The following TBCK variants were observed in gnomAD, a reference collection of about 807,000 sequenced individuals.
TBCK encodes the protein TBC domain-containing protein kinase-like protein.
TBCK carries 99 observed loss-of-function variants against 113.4 expected under a neutral mutation model. The ratio of observed to expected loss-of-function variants is 0.87; its 90% CI spans 0.74 to 1.03. TBCK has a LOEUF of 1.03. TBCK is among the 50% of genes least tolerant of loss of function. The pLI is 0.00. For synonymous variants in TBCK, 369 were observed against 370.8 expected, an observed-to-expected ratio of 1.00 and a Z score of 0.05; for missense variants, 1,045 against 1,061.3, an observed-to-expected ratio of 0.98 and a Z score of 0.21.
intron 23 of TBCK, among the ~76,000 whole-genome samples, chr4:106,128,796 T>C (rs898454549): frequency 3.3e-5 from 5 of 152,042 alleles, no homozygotes; most frequent in Non-Finnish European, 7.4e-5. Context: ...TTTGACAAAC[T>C]AGACAAAAAT....
At chr4:106,203,293 T>C (rs1755087183) in intron 20 of TBCK, among the ~76,000 whole-genome samples, 1 of 150,786 alleles carries the variant, frequency 6.6e-6, no homozygotes, top group South Asian at 2.1e-4. Context: ...CATATATATA[T>C]ATATATATAT....
intron 3 of TBCK, among the ~76,000 whole-genome samples, chr4:106,287,616 G>C (rs1033789955): frequency 6.6e-6 from 1 of 152,182 alleles, no homozygotes; most frequent in African/African-American, 2.4e-5. Context: ...CTTCCACCTT[G>C]TTTTCTTTCC....
intron 19 of TBCK, among the ~76,000 whole-genome samples, chr4:106,213,129 T>A (rs1033596512): frequency 7.9e-5 from 12 of 152,238 alleles, no homozygotes; most frequent in African/African-American, 2.7e-4. Context: ...AAGCACATTT[T>A]CTCTGGTAAT....
chr4:106,228,234 AC>A (rs1194322164), intron 19 of TBCK, among the ~76,000 whole-genome samples: 4 of 152,068 alleles, frequency 2.6e-5, no homozygotes, highest in Non-Finnish European at 5.9e-5. Context: ...TGTGTTAAAA[AC>A]AATCCAATTA....
At chr4:106,280,704 T>C (rs201260125) in intron 3 of TBCK, among the ~76,000 whole-genome samples, 3 of 152,312 alleles carry the variant, frequency 2.0e-5, no homozygotes, top group East Asian at 3.9e-4. Context: ...CCTCAATTTA[T>C]GCTCTTGACG....
At chr4:106,178,038 C>A (rs987122662) in intron 22 of TBCK, among the ~76,000 whole-genome samples, 3 of 150,112 alleles carry the variant, frequency 2.0e-5, no homozygotes, top group Non-Finnish European at 4.5e-5. Flanking sequence ...AGATCTCTCA[C>A]TTCTTTTGTT....
chr4:106,073,946 G>A (rs1737846565), intron 25 of TBCK, among the ~76,000 whole-genome samples: 1 of 152,202 alleles, frequency 6.6e-6, no homozygotes, highest in African/African-American at 2.4e-5. Flanking sequence ...ATCTCCTGGA[G>A]TGCCGTTTGC....
At chr4:106,235,483 G>T in intron 14 of TBCK, 116 bp from the exon 15 acceptor site, 1 of 538,366 alleles carries the variant, frequency 1.9e-6, no homozygotes, top group Non-Finnish European at 3.1e-6. Flanking sequence ...AAATTTCAAA[G>T]TATGTGCAAT....
chr4:106,124,626 A>G (rs1744915048), intron 23 of TBCK, among the ~76,000 whole-genome samples: 1 of 152,192 alleles, frequency 6.6e-6, no homozygotes, highest in African/African-American at 2.4e-5. Context: ...GATAGACTGG[A>G]TTAAGAAAAT....
chr4:106,306,507 T>C (rs1767546900), intron 2 of TBCK, among the ~76,000 whole-genome samples: 1 of 152,100 alleles, frequency 6.6e-6, no homozygotes, highest in South Asian at 2.1e-4. Context: ...CATGGTTGTA[T>C]TTTTCTCTAC....
At chr4:106,167,241 C>T (rs995347016) in intron 23 of TBCK, among the ~76,000 whole-genome samples, 21 of 147,606 alleles carry the variant, frequency 1.4e-4, no homozygotes, top group African/African-American at 3.0e-4. Flanking sequence ...TGGTTGAATT[C>T]GCTACAAGCT....
At chr4:106,206,749 T>C (rs754052173) in intron 20 of TBCK, among the ~76,000 whole-genome samples, 2 of 152,362 alleles carry the variant, frequency 1.3e-5, no homozygotes, top group Non-Finnish European at 2.9e-5. Flanking sequence ...TAAATATTTC[T>C]GAGCAGTTTA....
chr4:106,242,170 C>T (rs765331429), intron 12 of TBCK, among the ~76,000 whole-genome samples: 2 of 151,908 alleles, frequency 1.3e-5, no homozygotes, highest in African/African-American at 4.8e-5. Context: ...AAATACCTTT[C>T]CATACCATTA....
intron 3 of TBCK, among the ~76,000 whole-genome samples, chr4:106,287,072 C>A (rs1220245997): frequency 1.3e-5 from 2 of 152,088 alleles, no homozygotes; most frequent in African/African-American, 4.8e-5. Context: ...CAGAGGACTG[C>A]TCTCTTTGTG....
chr4:106,130,630 C>A (rs1187224798), intron 23 of TBCK, among the ~76,000 whole-genome samples: 10 of 118,870 alleles, frequency 8.4e-5, no homozygotes, highest in Admixed American at 5.6e-4. Context: ...ACACACACAC[C>A]ACACAGAAAC....
At position 106,175,284 on chromosome 4, in the gene TBCK, T is replaced by C. The variant is rs541389435; in HGVS notation, c.2060-4014A>G. Among the ~76,000 whole-genome samples, 5 of 152,158 alleles carry C rather than the reference T, an allele frequency of 3.3e-5. No homozygotes were observed. The East Asian group carries it at 9.7e-4, about 29-fold the overall frequency. ...AGTTTATACTATTCTGTATCTTAAT[T>C]GGAAGCTTTCCTCAGAGATTTTGTG... On this transcript the variant is annotated intron_variant, in intron 22 of 25. Coordinates refer to ENST00000394708, the MANE Select transcript of TBCK (RefSeq NM_001163435.3).
intron 20 of TBCK, among the ~76,000 whole-genome samples, chr4:106,210,484 G>A (rs1756000434): frequency 1.3e-5 from 2 of 152,132 alleles, no homozygotes; most frequent in Admixed American, 1.3e-4. Context: ...AAGCTTTCAA[G>A]GAGGGTACAA....
At chr4:106,077,023 C>T (rs1738270074) in intron 25 of TBCK, among the ~76,000 whole-genome samples, 1 of 151,984 alleles carries the variant, frequency 6.6e-6, no homozygotes, top group South Asian at 2.1e-4. Flanking sequence ...ATCATTTGAG[C>T]CCAGGATGCA....
intron 24 of TBCK, among the ~76,000 whole-genome samples, chr4:106,100,020 T>A (rs886941821): frequency 1.3e-5 from 2 of 152,200 alleles, no homozygotes; most frequent in Non-Finnish European, 2.9e-5. Context: ...ATGTTTTCTA[T>A]CTCCTGTAGT....
Sources: gnomAD v4.1 joint callset for allele counts (sites outside exome capture counted in the v4.1 genomes callset) on GRCh38, gnomAD v4.1.1 for gene constraint, MANE v1.5 for transcripts, NCBI Gene and HGNC (gene_info 2026-07-23, HGNC 2026-07-21) for gene names.